IRGM: variants seen among roughly 807,000 people sequenced by gnomAD.
The protein encoded by IRGM is immunity related GTPase M, also known as immunity-related GTPase family M protein.
For synonymous variants in IRGM, 98 were observed against 80.6 expected, an observed-to-expected ratio of 1.22 and a Z score of -1.16; for missense variants, 288 against 219.9, an observed-to-expected ratio of 1.31 and a Z score of -1.96.
chr5:150,866,703 C>G lies in IRGM; in HGVS notation c.159-11277C>G, dbSNP rs116378684. On this transcript the variant is annotated intron_variant and NMD_transcript_variant, in intron 1 of 3. Coordinates refer to the IRGM transcript ENST00000520549. ...CACCAGCTCTTATTCCCAAATAATT[C>G]CATTGCTTTATAACTGTAACTGATA... Among the ~76,000 whole-genome samples, 805 of 152,252 alleles carry G rather than the reference C, an allele frequency of 5.3e-3. 4 individuals are homozygous for G. Among genetic ancestry groups the G allele is most frequent in the African/African-American group, 0.019 (780 of 41,552 alleles).
intron 3 of IRGM, among the ~76,000 whole-genome samples, chr5:150,888,315 A>G (rs1475231306): frequency 1.3e-5 from 2 of 152,052 alleles, no homozygotes; most frequent in Non-Finnish European, 2.9e-5. Flanking sequence ...GCAAGTTCTT[A>G]GAGACCTACA....
At chr5:150,847,384 T>C (rs1290354305) in intron 1 of IRGM, 164 bp downstream of exon 1, 2 of 152,298 alleles carry the variant, frequency 1.3e-5, no homozygotes, top group Non-Finnish European at 2.9e-5. Flanking sequence ...CAGACCTATA[T>C]TAGGATAGAG....
At chr5:150,852,685 A>T (rs551822822), downstream of IRGM, among the ~76,000 whole-genome samples, 14 of 152,190 alleles carry the variant, frequency 9.2e-5, no homozygotes, top group East Asian at 2.7e-3. Context: ...TTCTGCAGAG[A>T]ATGGAAAAGG....
chr5:150,854,015 C>T (rs1266637083), intron 1 of IRGM, among the ~76,000 whole-genome samples: 1 of 151,854 alleles, frequency 6.6e-6, no homozygotes, highest in Non-Finnish European at 1.5e-5. Flanking sequence ...TTACTACTTT[C>T]CTTTGTTTTT....
chr5:150,873,736 C>A (rs1016131374), intron 1 of IRGM, among the ~76,000 whole-genome samples: 42 of 152,186 alleles, frequency 2.8e-4, no homozygotes, highest in Admixed American at 1.4e-3. Context: ...CTGGCAGAAC[C>A]CCCACAGTGG....
intron 1 of IRGM, among the ~76,000 whole-genome samples, chr5:150,868,096 T>C (rs1351450843): frequency 6.6e-6 from 1 of 152,234 alleles, no homozygotes. Context: ...AGAATTTTTA[T>C]GTTTTCAGGT....
At chr5:150,898,461 TCA>T in intron 3 of IRGM, 1 of 1,613,438 alleles carries the variant, frequency 6.2e-7, no homozygotes, top group Non-Finnish European at 8.5e-7. Flanking sequence ...TTCTCCAGCA[TCA>T]CATCCCTGTA....
chr5:150,851,780 A>G (rs1330773710), downstream of IRGM, among the ~76,000 whole-genome samples: 1 of 152,244 alleles, frequency 6.6e-6, no homozygotes, highest in Non-Finnish European at 1.5e-5. Flanking sequence ...AGAAGTTCTC[A>G]TCTAACAATG....
chr5:150,900,243 C>A (rs968686339), intron 3 of IRGM, among the ~76,000 whole-genome samples: 1 of 152,040 alleles, frequency 6.6e-6, no homozygotes, highest in East Asian at 1.9e-4. Flanking sequence ...ACATCATGAT[C>A]TTTTATATTT....
rs868460520 is a variant in IRGM, at chr5:150,897,883, T to C, written c.*141-2706T>C. 29 of 662,526 alleles carry C rather than the reference T, an allele frequency of 4.4e-5. No homozygotes were observed. In the South Asian group the frequency reaches 5.0e-4, roughly 11 times the overall value. 41.0% of individuals were successfully genotyped at this position (662,526 alleles called of 1,614,324 possible). A position where few individuals can be genotyped will look rare whatever the true frequency, so the allele number is the denominator to read the frequency against. ...GACAACAAATATAAACATATATATA[T>C]ACACACAAGAGACAGGATCAACAAC... On this transcript the variant is annotated intron_variant and NMD_transcript_variant, in intron 3 of 3. Coordinates refer to the IRGM transcript ENST00000520549.
intron 1 of IRGM, among the ~76,000 whole-genome samples, chr5:150,869,820 G>A (rs1015115651): frequency 6.6e-6 from 1 of 152,076 alleles, no homozygotes; most frequent in Non-Finnish European, 1.5e-5. Flanking sequence ...CCACAGAAGG[G>A]TCAACATTGA....
downstream of IRGM, among the ~76,000 whole-genome samples, chr5:150,853,061 C>G (rs1210818384): frequency 6.6e-6 from 1 of 152,006 alleles, no homozygotes; most frequent in East Asian, 1.9e-4. Flanking sequence ...AATCTTTTAT[C>G]CTTTTAAAAT....
chr5:150,854,900 C>T (rs1206400896), intron 1 of IRGM, among the ~76,000 whole-genome samples: 1 of 152,126 alleles, frequency 6.6e-6, no homozygotes, highest in African/African-American at 2.4e-5. Flanking sequence ...TCTTCTCTTT[C>T]TCAAAGTCCC....
intron 1 of IRGM, among the ~76,000 whole-genome samples, chr5:150,870,674 G>A (rs183933879): frequency 6.6e-6 from 1 of 152,184 alleles, no homozygotes; most frequent in East Asian, 1.9e-4. Flanking sequence ...GTAGAGAGAA[G>A]TCTTCAGCCT....
intron 1 of IRGM, among the ~76,000 whole-genome samples, chr5:150,862,288 C>T (rs566086461): frequency 1.1e-4 from 17 of 152,310 alleles, no homozygotes; most frequent in South Asian, 1.0e-3. Context: ...TATAATCTTA[C>T]GTAATGTAGT....
chr5:150,865,029 T>A (rs943089392), intron 1 of IRGM, among the ~76,000 whole-genome samples: 5 of 152,238 alleles, frequency 3.3e-5, no homozygotes, highest in African/African-American at 1.2e-4. Flanking sequence ...CTCTTTCTCT[T>A]CTTGCTGGTG....
intron 1 of IRGM, among the ~76,000 whole-genome samples, chr5:150,872,365 G>A (rs1280477499): frequency 3.3e-5 from 5 of 152,178 alleles, no homozygotes; most frequent in African/African-American, 1.2e-4. Flanking sequence ...AGCCTGTGCT[G>A]CCTGAGGCAA....
At chr5:150,897,853 G>T in intron 3 of IRGM, 1 of 496,102 alleles carries the variant, frequency 2.0e-6, no homozygotes, top group Non-Finnish European at 3.3e-6. Context: ...AACCCTTTCA[G>T]GAAAGACAAC....
intron 3 of IRGM, chr5:150,896,488 T>C: frequency 1.2e-6 from 2 of 1,613,484 alleles, no homozygotes; most frequent in Non-Finnish European, 1.7e-6. Flanking sequence ...TGTGTATTTC[T>C]AAAAACGTTT....
Sources: allele counts gnomAD v4.1 joint callset (sites outside exome capture counted in the v4.1 genomes callset), GRCh38; gene constraint gnomAD v4.1.1; transcripts MANE v1.5; gene names NCBI Gene and HGNC (gene_info 2026-07-23, HGNC 2026-07-21).